The following EPB41L2 variants were observed in gnomAD, a reference collection of about 807,000 sequenced individuals.
EPB41L2 encodes the protein erythrocyte membrane protein band 4.1 like 2.
In EPB41L2, 43 loss-of-function variants were observed where a neutral mutation model predicts 113.0. The ratio of observed to expected loss-of-function variants is 0.38; its 90% CI spans 0.30 to 0.49. The LOEUF (loss-of-function observed/expected upper bound fraction) is 0.49, where lower values mean the gene tolerates loss of function less well. Ranked by LOEUF, EPB41L2 falls within the 20% of genes least tolerant of loss-of-function variation. The probability of loss-of-function intolerance (pLI) is 0.95; values close to 1 mark genes in which losing one functional copy is unlikely to be tolerated. For synonymous variants in EPB41L2, 442 were observed against 436.7 expected (o/e 1.01, Z -0.15); for missense variants, 1,147 against 1,223.4 (o/e 0.94, Z 0.93).
intron 19 of EPB41L2, among the ~76,000 whole-genome samples, chr6:130,845,456 C>A (rs1776752815): frequency 6.6e-6 from 1 of 152,140 alleles, no homozygotes; most frequent in Non-Finnish European, 1.5e-5. Context: ...TAGCTCACTG[C>A]AGCCTTGAAC....
chr6:131,053,434 TAAAAAAAA>T lies in EPB41L2; in HGVS notation c.-15+9713_-15+9720del, dbSNP rs71030727. On this transcript the variant is annotated intron_variant, in intron 1 of 19. Coordinates refer to ENST00000337057, the MANE Select transcript of EPB41L2 (RefSeq NM_001431.4). Reference sequence around the variant, plus strand: ...GACGAAGGGACGAACATGGAAATGATAAAAAAAAAAAAAAAAAAAAAAAAAGAAACTGT... The same window carrying T: ...GACGAAGGGACGAACATGGAAATGATAAAAAAAAAAAAAAAAAGAAACTGT... Among the ~76,000 whole-genome samples the T allele has an allele frequency of 0.017, 1,500 of 88,906 alleles. 142 individuals are homozygous for T. In the East Asian group the frequency reaches 0.33, roughly 20 times the overall value. 58.3% of individuals were successfully genotyped at this position (88,906 alleles called of 152,430 possible). A position where few individuals can be genotyped will look rare whatever the true frequency, so the allele number is the denominator to read the frequency against.
chr6:131,024,935 C>T (rs529957942), intron 1 of EPB41L2, among the ~76,000 whole-genome samples: 1 of 152,274 alleles, frequency 6.6e-6, no homozygotes, highest in Middle Eastern at 3.4e-3. Context: ...TCCCTTTATT[C>T]TCCTAAGAAC....
intron 3 of EPB41L2, among the ~76,000 whole-genome samples, chr6:130,929,894 C>T (rs1388252567): frequency 3.5e-5 from 4 of 114,464 alleles, no homozygotes; most frequent in South Asian, 3.4e-4. Flanking sequence ...CACACACACA[C>T]ACATACACGC....
At chr6:130,895,163 G>A (rs1316597352) in intron 8 of EPB41L2, 44 bp from the exon 9 acceptor site, 1 of 1,539,652 alleles carries the variant, frequency 6.5e-7, no homozygotes, top group South Asian at 1.3e-5. Flanking sequence ...AGCTGTGAAA[G>A]TTACACAAAT....
intron 1 of EPB41L2, among the ~76,000 whole-genome samples, chr6:131,042,041 G>A (rs974286325): frequency 6.6e-6 from 1 of 152,192 alleles, no homozygotes; most frequent in Non-Finnish European, 1.5e-5. Flanking sequence ...ATCCAGCATG[G>A]AATGGGGAAC....
intron 1 of EPB41L2, among the ~76,000 whole-genome samples, chr6:131,027,196 A>T (rs1409841826): frequency 6.6e-6 from 1 of 152,196 alleles, no homozygotes; most frequent in Non-Finnish European, 1.5e-5. Context: ...TTCTATCTGT[A>T]TCAGGGCTGG....
chr6:130,972,851 T>C lies in EPB41L2; in HGVS notation c.-14-16352A>G, dbSNP rs1319435048. ...CGCCTGTAATGTAATCCCAGCACTT[T>C]GTGAGGCCAAGGTGGGTGGATCACG... On this transcript the variant is annotated intron_variant, in intron 1 of 19. Coordinates refer to ENST00000337057, the MANE Select transcript of EPB41L2 (RefSeq NM_001431.4). Among the ~76,000 whole-genome samples the C allele has an allele frequency of 4.0e-5, 6 of 149,184 alleles. No homozygotes were observed. In the South Asian group the frequency reaches 1.3e-3, roughly 31 times the overall value.
chr6:130,876,610 G>T, intron 14 of EPB41L2: 2 of 1,019,426 alleles, frequency 2.0e-6, no homozygotes, highest in Non-Finnish European at 2.6e-6. Context: ...TCTTATGGCT[G>T]TGGATAGAAA....
At chr6:131,059,589 G>A (rs1056767620) in intron 1 of EPB41L2, among the ~76,000 whole-genome samples, 1 of 152,234 alleles carries the variant, frequency 6.6e-6, no homozygotes, top group African/African-American at 2.4e-5. Context: ...CCCAAAGGAT[G>A]TTCTGTCTAG....
chr6:130,852,602 C>G (rs999735520), intron 19 of EPB41L2, among the ~76,000 whole-genome samples: 1 of 152,192 alleles, frequency 6.6e-6, no homozygotes, highest in Non-Finnish European at 1.5e-5. Context: ...CTCCTCTGCT[C>G]CCATCTTCCC....
rs34082234 is a variant in EPB41L2, at chr6:130,951,312, C to CTTTTTTTTTTTTTTT, written c.705+3778_705+3792dup. 3.0e-4 allele frequency among the ~76,000 whole-genome samples: 15 copies of CTTTTTTTTTTTTTTT among 50,846 alleles called. 1 individual carries two copies. The highest frequency in any genetic ancestry group is 9.3e-4 in the African/African-American group (7 of 7,514). The allele number at this position is 50,846 out of a possible 152,430, so 33.4% of individuals were successfully genotyped here. A position where few individuals can be genotyped will look rare whatever the true frequency, so the allele number is the denominator to read the frequency against. On this transcript the variant is annotated intron_variant, in intron 3 of 19. Coordinates refer to ENST00000337057, the MANE Select transcript of EPB41L2 (RefSeq NM_001431.4). ...AGAAAAAAGATGCTCAGCCTCAGTA[C>CTTTTTTTTTTTTTTT]TTTTTTTTTTTTTTTTTTTTTTTTT...
chr6:130,953,921 G>A (rs1046531312), intron 3 of EPB41L2, among the ~76,000 whole-genome samples: 3 of 151,648 alleles, frequency 2.0e-5, no homozygotes, highest in Non-Finnish European at 4.4e-5. Flanking sequence ...CTCCAGAGCT[G>A]TGGGCAATAA....
chr6:130,874,161 A>G (rs186033114), intron 14 of EPB41L2, among the ~76,000 whole-genome samples: 1 of 152,302 alleles, frequency 6.6e-6, no homozygotes, highest in Admixed American at 6.5e-5. Context: ...GAGGATTACA[A>G]TAGAGTTATT....
chr6:130,963,788 T>C (rs1258995913), intron 1 of EPB41L2, among the ~76,000 whole-genome samples: 1 of 152,204 alleles, frequency 6.6e-6, no homozygotes, highest in Non-Finnish European at 1.5e-5. Flanking sequence ...TGGGTATTTT[T>C]ATTCACATAA....
intron 5 of EPB41L2, among the ~76,000 whole-genome samples, chr6:130,905,819 C>T (rs1199939584): frequency 1.3e-5 from 2 of 152,136 alleles, no homozygotes; most frequent in Non-Finnish European, 2.9e-5. Context: ...TTCAGTGTGG[C>T]ATTTTGTCCT....
intron 4 of EPB41L2, among the ~76,000 whole-genome samples, chr6:130,914,878 C>T (rs534579221): frequency 6.6e-6 from 1 of 152,240 alleles, no homozygotes; most frequent in South Asian, 2.1e-4. Context: ...AACATGAACA[C>T]AGTAAATATT....
chr6:130,856,660 G>A (rs926670813), intron 19 of EPB41L2, among the ~76,000 whole-genome samples: 31 of 152,218 alleles, frequency 2.0e-4, no homozygotes, highest in Non-Finnish European at 1.0e-4. Context: ...TGTGTAACCT[G>A]TGACCCAGCC....
intron 1 of EPB41L2, chr6:131,062,685 C>T (rs1373285684): frequency 2.0e-5 from 3 of 151,916 alleles, no homozygotes; most frequent in African/African-American, 7.2e-5. Flanking sequence ...CGCGGCCGAC[C>T]CCCTCCCCGC....
chr6:130,876,077 G>A (rs981675609), intron 14 of EPB41L2, among the ~76,000 whole-genome samples: 4 of 151,958 alleles, frequency 2.6e-5, no homozygotes, highest in Admixed American at 6.6e-5. Flanking sequence ...TCCAGTCCCA[G>A]CAAATAACAG....
Sources: gnomAD v4.1 joint callset for allele counts (sites outside exome capture counted in the v4.1 genomes callset) on GRCh38, gnomAD v4.1.1 for gene constraint, MANE v1.5 for transcripts, NCBI Gene and HGNC (gene_info 2026-07-23, HGNC 2026-07-21) for gene names.